TMEM117: variants seen among roughly 807,000 people sequenced by gnomAD.
TMEM117 encodes the protein transmembrane protein 117.
Under a neutral mutation model 52.4 loss-of-function variants are expected in TMEM117, and 27 were observed. The ratio of observed to expected loss-of-function variants is 0.51; its 90% CI spans 0.38 to 0.71. The LOEUF is 0.71. Ranked by LOEUF, TMEM117 falls within the 30% of genes least tolerant of loss-of-function variation. TMEM117 has a pLI of 0.00. For missense variants in TMEM117, 556 were observed against 630.5 expected (o/e 0.88, Z 1.26); for synonymous variants, 215 against 206.3 (o/e 1.04, Z -0.36).
intron 4 of TMEM117, among the ~76,000 whole-genome samples, chr12:44,199,708 G>A (rs1949467684): frequency 6.6e-6 from 1 of 152,124 alleles, no homozygotes; most frequent in Non-Finnish European, 1.5e-5. Context: ...TCCTATTTCT[G>A]GTGGCATATT....
rs563101154 is a variant in TMEM117, at chr12:44,049,725, A to G, written c.411-93800A>G. 5.3e-3 allele frequency among the ~76,000 whole-genome samples: 801 copies of G among 152,272 alleles called. 2 individuals carry two copies. Among genetic ancestry groups the G allele is most frequent in the Non-Finnish European group, 8.5e-3 (578 of 68,020 alleles). ...TTTATCTAAAATTTTAATAGTCTATAAACTATTTTTATCCAGAAGACAAAT... is the reference window on the plus strand; with the variant it reads ...TTTATCTAAAATTTTAATAGTCTATGAACTATTTTTATCCAGAAGACAAAT... On this transcript the variant is annotated intron_variant, in intron 3 of 7. Coordinates refer to ENST00000266534, the MANE Select transcript of TMEM117 (RefSeq NM_032256.3).
At chr12:44,235,518 G>T (rs568734353) in intron 5 of TMEM117, among the ~76,000 whole-genome samples, 2 of 151,450 alleles carry the variant, frequency 1.3e-5, no homozygotes, top group South Asian at 4.2e-4. Context: ...TTCCACACTT[G>T]CATTTATACT....
intron 2 of TMEM117, among the ~76,000 whole-genome samples, chr12:43,855,913 A>G (rs1173227354): frequency 2.6e-5 from 4 of 152,254 alleles, no homozygotes; most frequent in Admixed American, 2.6e-4. Flanking sequence ...TCATGGTAAT[A>G]CAGGAATATC....
At chr12:44,299,337 T>C (rs1950809107) in intron 5 of TMEM117, among the ~76,000 whole-genome samples, 4 of 152,152 alleles carry the variant, frequency 2.6e-5, no homozygotes. Flanking sequence ...TTCACCGTGT[T>C]GGACAGGCTT....
At chr12:44,291,486 A>G (rs1422371417) in intron 5 of TMEM117, among the ~76,000 whole-genome samples, 1 of 118,584 alleles carries the variant, frequency 8.4e-6, no homozygotes, top group Non-Finnish European at 1.8e-5. Flanking sequence ...GATATCTTTT[A>G]TTTCATTTTC....
intron 4 of TMEM117, among the ~76,000 whole-genome samples, chr12:44,159,195 T>C (rs1565853762): frequency 6.6e-6 from 1 of 152,190 alleles, no homozygotes; most frequent in African/African-American, 2.4e-5. Context: ...GTTGCAGCCA[T>C]GGGAAGTGGA....
intron 5 of TMEM117, among the ~76,000 whole-genome samples, chr12:44,296,878 T>G (rs949351978): frequency 6.6e-6 from 1 of 152,210 alleles, no homozygotes; most frequent in African/African-American, 2.4e-5. Flanking sequence ...CAAATGGAGT[T>G]GTAGCCAAGT....
At chr12:44,374,628 G>A (rs1226548882) in intron 6 of TMEM117, among the ~76,000 whole-genome samples, 1 of 151,234 alleles carries the variant, frequency 6.6e-6, no homozygotes, top group Non-Finnish European at 1.5e-5. Context: ...GTGTGTGTGT[G>A]TGTGTGTGTG....
At chr12:44,289,877 G>C (rs910701055) in intron 5 of TMEM117, among the ~76,000 whole-genome samples, 8 of 151,946 alleles carry the variant, frequency 5.3e-5, no homozygotes. Context: ...ACCAACACTT[G>C]TTATCCCTTG....
the TMEM117 span, among the ~76,000 whole-genome samples, chr12:44,398,748 CA>C: frequency 1.3e-5 from 2 of 152,154 alleles, no homozygotes; most frequent in African/African-American, 4.8e-5. Flanking sequence ...TGCTCCTGCA[CA>C]AAAAACCAAC....
chr12:43,873,781 A>G (rs1385609070), intron 2 of TMEM117, among the ~76,000 whole-genome samples: 1 of 151,760 alleles, frequency 6.6e-6, no homozygotes, highest in African/African-American at 2.4e-5. Context: ...TTTTACCAAG[A>G]AGGTTCTCAG....
chr12:44,212,229 A>G (rs921855919), intron 5 of TMEM117, among the ~76,000 whole-genome samples: 30 of 152,292 alleles, frequency 2.0e-4, no homozygotes, highest in African/African-American at 7.2e-4. Context: ...GAGTAGTGTG[A>G]TGAAGCCTCA....
chr12:43,801,922 C>G, the TMEM117 span, among the ~76,000 whole-genome samples: 6 of 152,132 alleles, frequency 3.9e-5, no homozygotes, highest in African/African-American at 1.4e-4. Flanking sequence ...CCCAGCTACT[C>G]AAGAGGCTGA....
chr12:43,982,856 G>A lies in TMEM117; in HGVS notation c.410+38514G>A, dbSNP rs558241735. Among the ~76,000 whole-genome samples, 11 of 152,178 alleles carry A rather than the reference G, an allele frequency of 7.2e-5. No individual in the cohort carries two copies. In the East Asian group the frequency reaches 7.7e-4, roughly 11 times the overall value. On this transcript the variant is annotated intron_variant, in intron 3 of 7. Transcript: ENST00000266534. ...AAGACTTGAGCTATACAAATTTCCC[G>A]GAGAAGGTATTTTGACCCCTTCCAT...
At chr12:44,375,723 G>C (rs999409495) in intron 6 of TMEM117, among the ~76,000 whole-genome samples, 2 of 152,078 alleles carry the variant, frequency 1.3e-5, no homozygotes, top group Non-Finnish European at 2.9e-5. Context: ...TGATTATTTG[G>C]TGATTATTTA....
intron 2 of TMEM117, among the ~76,000 whole-genome samples, chr12:43,935,394 C>T (rs1264250474): frequency 1.3e-5 from 2 of 152,124 alleles, no homozygotes; most frequent in African/African-American, 4.8e-5. Flanking sequence ...CTTTTATTCT[C>T]TTCTTCCAGC....
At chr12:43,818,121 A>C in the TMEM117 span, among the ~76,000 whole-genome samples, 2 of 152,170 alleles carry the variant, frequency 1.3e-5, no homozygotes, top group Admixed American at 1.3e-4. Context: ...CTGTTATTGA[A>C]ATAAAGGACT....
intron 4 of TMEM117, among the ~76,000 whole-genome samples, chr12:44,177,855 C>T (rs888469610): frequency 1.3e-5 from 2 of 152,166 alleles, no homozygotes; most frequent in East Asian, 3.8e-4. Context: ...AGGAAAGCCC[C>T]TTCCAGCTCT....
intron 2 of TMEM117, among the ~76,000 whole-genome samples, chr12:43,938,033 G>T (rs1051405808): frequency 2.6e-5 from 4 of 151,930 alleles, no homozygotes; most frequent in African/African-American, 9.7e-5. Context: ...GGAGGTAAAA[G>T]AATTCTCTGT....
Sources: gnomAD v4.1 joint callset for allele counts (sites outside exome capture counted in the v4.1 genomes callset) on GRCh38, gnomAD v4.1.1 for gene constraint, MANE v1.5 for transcripts, NCBI Gene and HGNC (gene_info 2026-07-23, HGNC 2026-07-21) for gene names.